PRR16: variants seen among roughly 807,000 people sequenced by gnomAD.
The protein encoded by PRR16 is protein Largen.
In PRR16, 6 loss-of-function variants were observed where a neutral mutation model predicts 18.2. The ratio of observed to expected loss-of-function variants is 0.33; its 90% CI spans 0.18 to 0.65. The LOEUF (loss-of-function observed/expected upper bound fraction) is 0.65, where lower values mean the gene tolerates loss of function less well. Ranked by LOEUF, PRR16 falls within the 30% of genes least tolerant of loss-of-function variation. The pLI, the probability that PRR16 is intolerant of heterozygous loss-of-function variation, is 0.74. For synonymous variants in PRR16, 151 were observed against 147.8 expected (o/e 1.02, Z -0.16); for missense variants, 412 against 376.6 (o/e 1.09, Z -0.78).
chr5:120,565,511 G>T (rs1413992994), intron 1 of PRR16, among the ~76,000 whole-genome samples: 1 of 152,090 alleles, frequency 6.6e-6, no homozygotes, highest in Non-Finnish European at 1.5e-5. Context: ...AAAAGAACTG[G>T]TTCTGCCATG....
intron 1 of PRR16, chr5:120,618,581 G>C (rs1379086906): frequency 2.2e-6 from 2 of 921,808 alleles, no homozygotes; most frequent in Non-Finnish European, 2.6e-6. Context: ...TAAAAAAGAA[G>C]TTATAGCAAA....
chr5:120,711,495 C>T, the PRR16 span, among the ~76,000 whole-genome samples: 7 of 152,126 alleles, frequency 4.6e-5, no homozygotes, highest in Non-Finnish European at 8.8e-5. Flanking sequence ...ATACTACTAC[C>T]CCAAGCTGAT....
chr5:120,760,054 A>C, the PRR16 span, among the ~76,000 whole-genome samples: 1 of 152,166 alleles, frequency 6.6e-6, no homozygotes, highest in Non-Finnish European at 1.5e-5. Context: ...AAAAGACCTA[A>C]ATATGCGTAC....
At chr5:120,683,939 A>T (rs1320672317) in intron 1 of PRR16, among the ~76,000 whole-genome samples, 2 of 152,144 alleles carry the variant, frequency 1.3e-5, no homozygotes, top group Non-Finnish European at 2.9e-5. Flanking sequence ...AAAAAAACCA[A>T]AAAAGTCATT....
At chr5:120,516,840 A>G (rs1327940711) in intron 1 of PRR16, among the ~76,000 whole-genome samples, 1 of 152,132 alleles carries the variant, frequency 6.6e-6, no homozygotes, top group Non-Finnish European at 1.5e-5. Flanking sequence ...TGGTTTCAGA[A>G]CCTGCTGCTT....
intron 1 of PRR16, among the ~76,000 whole-genome samples, chr5:120,663,563 T>C (rs1406877754): frequency 6.6e-6 from 1 of 152,202 alleles, no homozygotes; most frequent in Non-Finnish European, 1.5e-5. Context: ...TATTACTTCC[T>C]AGAGATTTCA....
chr5:120,532,274 T>A (rs1263342727), intron 1 of PRR16, among the ~76,000 whole-genome samples: 1 of 152,092 alleles, frequency 6.6e-6, no homozygotes, highest in Admixed American at 6.5e-5. Flanking sequence ...TATTTATTAC[T>A]TATATATAGT....
chr5:120,568,327 C>G (rs967272265), intron 1 of PRR16, among the ~76,000 whole-genome samples: 1 of 152,120 alleles, frequency 6.6e-6, no homozygotes, highest in Non-Finnish European at 1.5e-5. Context: ...CTGTTAAAAA[C>G]TCCTGAGGTA....
chr5:120,650,896 TCGCCACA>T (rs1296063665), intron 1 of PRR16, among the ~76,000 whole-genome samples: 3 of 152,106 alleles, frequency 2.0e-5, no homozygotes, highest in Non-Finnish European at 2.9e-5. Flanking sequence ...CCCTGAGGAA[TCGCCACA>T]CTGACTTCCA....
chr5:120,720,980 C>T, the PRR16 span, among the ~76,000 whole-genome samples: 1 of 151,924 alleles, frequency 6.6e-6, no homozygotes, highest in Non-Finnish European at 1.5e-5. Context: ...TATCTCATTC[C>T]ATCATTTCAT....
intron 1 of PRR16, among the ~76,000 whole-genome samples, chr5:120,474,171 T>G (rs990843011): frequency 6.6e-6 from 1 of 152,146 alleles, no homozygotes; most frequent in African/African-American, 2.4e-5. Flanking sequence ...TAGAGTAAAA[T>G]GGGACTTCTG....
chr5:120,680,158 A>G (rs1295865201), intron 1 of PRR16, among the ~76,000 whole-genome samples: 1 of 152,116 alleles, frequency 6.6e-6, no homozygotes, highest in African/African-American at 2.4e-5. Context: ...TCTCAGCATG[A>G]CTTTATATCC....
intron 1 of PRR16, among the ~76,000 whole-genome samples, chr5:120,653,325 G>A (rs191148634): frequency 3.4e-4 from 52 of 151,784 alleles, no homozygotes; most frequent in African/African-American, 1.2e-3. Flanking sequence ...TTTTTCACTG[G>A]CATTTGGATT....
chr5:120,724,951 CAATA>C, the PRR16 span, among the ~76,000 whole-genome samples: 1 of 151,916 alleles, frequency 6.6e-6, no homozygotes, highest in Non-Finnish European at 1.5e-5. Context: ...ATTTCAGTAG[CAATA>C]AATATTTTGA....
chr5:120,714,122 G>A, the PRR16 span, among the ~76,000 whole-genome samples: 2 of 151,648 alleles, frequency 1.3e-5, no homozygotes, highest in Admixed American at 6.6e-5. Flanking sequence ...TTTATAATAT[G>A]ATATTAAATC....
the PRR16 span, among the ~76,000 whole-genome samples, chr5:120,782,171 A>C: frequency 6.6e-6 from 1 of 152,174 alleles, no homozygotes; most frequent in Non-Finnish European, 1.5e-5. Flanking sequence ...ACTTTAATGT[A>C]AAAGTTTGGA....
intron 1 of PRR16, among the ~76,000 whole-genome samples, chr5:120,668,789 C>G (rs947207373): frequency 6.6e-6 from 1 of 152,160 alleles, no homozygotes; most frequent in African/African-American, 2.4e-5. Context: ...GGCCCCCACT[C>G]TCTTCTGGCT....
chr5:120,490,827 T>C (rs191025672), intron 1 of PRR16, among the ~76,000 whole-genome samples: 13 of 152,262 alleles, frequency 8.5e-5, no homozygotes, highest in Admixed American at 8.5e-4. Flanking sequence ...ACAGATGGGG[T>C]TTTGGTGTGG....
the PRR16 span, among the ~76,000 whole-genome samples, chr5:120,753,178 G>A: frequency 6.6e-6 from 1 of 151,824 alleles, no homozygotes; most frequent in Non-Finnish European, 1.5e-5. Context: ...AGAAATTTAA[G>A]GAAAATACAA....
Sources: allele counts gnomAD v4.1 joint callset (sites outside exome capture counted in the v4.1 genomes callset), GRCh38; gene constraint gnomAD v4.1.1; transcripts MANE v1.5; gene names NCBI Gene and HGNC (gene_info 2026-07-23, HGNC 2026-07-21).